AUTS2: variants seen among roughly 807,000 people sequenced by gnomAD.
AUTS2 encodes the protein activator of transcription and developmental regulator AUTS2.
A neutral mutation model predicts 112.4 loss-of-function variants in AUTS2; 17 were observed. The ratio of observed to expected loss-of-function variants is 0.15; its 90% CI spans 0.10 to 0.23. The LOEUF is 0.23. Ranked by LOEUF, AUTS2 falls within the 10% of genes least tolerant of loss-of-function variation. The pLI, the probability that AUTS2 is intolerant of heterozygous loss-of-function variation, is 1.00. For synonymous variants in AUTS2, 751 were observed against 702.7 expected (o/e 1.07, Z -1.09); for missense variants, 1,510 against 1,701.6 (o/e 0.89, Z 1.98).
chr7:70,732,064 G>A (rs1787438714), intron 6 of AUTS2, among the ~76,000 whole-genome samples: 1 of 152,124 alleles, frequency 6.6e-6, no homozygotes, highest in Admixed American at 6.5e-5. Context: ...ATCTTGTCTA[G>A]TGTCGGGTGT....
At chr7:69,791,370 A>G (rs984724062) in intron 1 of AUTS2, among the ~76,000 whole-genome samples, 1 of 152,242 alleles carries the variant, frequency 6.6e-6, no homozygotes, top group Non-Finnish European at 1.5e-5. Flanking sequence ...CTGTAATTTC[A>G]TAATGAAATT....
At position 70,095,847 on chromosome 7, in the gene AUTS2, T is replaced by C. The variant is rs141957510; in HGVS notation, c.523-22285T>C. ...GGAATAAACTGGCCATGTTTAGTTATGGTATTGAAGAAAGGGTTTGATCCA... is the reference window on the plus strand; with the variant it reads ...GGAATAAACTGGCCATGTTTAGTTACGGTATTGAAGAAAGGGTTTGATCCA... On this transcript the variant is annotated intron_variant, in intron 2 of 18. Transcript: ENST00000342771. Among the ~76,000 whole-genome samples the C allele has an allele frequency of 1.4e-4, 21 of 152,322 alleles. No homozygotes were observed. The East Asian group carries it at 3.9e-3, about 28-fold the overall frequency.
At chr7:69,967,593 C>T (rs1172544489) in intron 2 of AUTS2, among the ~76,000 whole-genome samples, 2 of 152,086 alleles carry the variant, frequency 1.3e-5, no homozygotes, top group Non-Finnish European at 2.9e-5. Context: ...CTATTTTTTC[C>T]ACCTTTTATT....
At chr7:69,696,142 T>C (rs1364554146) in intron 1 of AUTS2, among the ~76,000 whole-genome samples, 4 of 152,194 alleles carry the variant, frequency 2.6e-5, no homozygotes, top group Non-Finnish European at 5.9e-5. Flanking sequence ...AGGACAAATT[T>C]AGTTTTGCAG....
chr7:70,317,207 T>C (rs934226926), intron 4 of AUTS2, among the ~76,000 whole-genome samples: 2 of 152,232 alleles, frequency 1.3e-5, no homozygotes, highest in African/African-American at 4.8e-5. Flanking sequence ...ATGGATACTT[T>C]TTCCTGTGTA....
At chr7:70,552,570 G>A (rs1319027164) in intron 5 of AUTS2, among the ~76,000 whole-genome samples, 2 of 152,208 alleles carry the variant, frequency 1.3e-5, no homozygotes, top group Non-Finnish European at 2.9e-5. Flanking sequence ...CTTGGCAGGG[G>A]ACAGAGAGCA....
At chr7:70,042,335 A>G (rs1801284743) in intron 2 of AUTS2, among the ~76,000 whole-genome samples, 1 of 152,192 alleles carries the variant, frequency 6.6e-6, no homozygotes, top group Non-Finnish European at 1.5e-5. Context: ...ATTGATAATG[A>G]GATTTTCAAG....
intron 2 of AUTS2, among the ~76,000 whole-genome samples, chr7:70,033,251 A>T (rs1322329998): frequency 6.6e-6 from 1 of 152,212 alleles, no homozygotes; most frequent in Non-Finnish European, 1.5e-5. Flanking sequence ...CTCAAGTTAA[A>T]TGAAATGACC....
At chr7:70,100,735 A>G (rs1459590424) in intron 2 of AUTS2, among the ~76,000 whole-genome samples, 2 of 152,122 alleles carry the variant, frequency 1.3e-5, no homozygotes, top group African/African-American at 4.8e-5. Context: ...TTAGGTAGCA[A>G]ATGACATTGG....
At chr7:70,565,075 G>A (rs1262598408) in intron 5 of AUTS2, among the ~76,000 whole-genome samples, 2 of 152,140 alleles carry the variant, frequency 1.3e-5, no homozygotes, top group Non-Finnish European at 2.9e-5. Context: ...TCCAGCCTGG[G>A]CGATAGAGTG....
intron 5 of AUTS2, among the ~76,000 whole-genome samples, chr7:70,580,524 G>A (rs980411129): frequency 4.3e-4 from 66 of 152,252 alleles, no homozygotes; most frequent in Admixed American, 1.2e-3. Context: ...AAACAGTTCC[G>A]AATTCAGCCT....
intron 6 of AUTS2, among the ~76,000 whole-genome samples, chr7:70,756,517 A>G (rs913754267): frequency 1.3e-5 from 2 of 152,250 alleles, no homozygotes; most frequent in Non-Finnish European, 2.9e-5. Flanking sequence ...TACATACATA[A>G]TTTAAAAGTA....
intron 1 of AUTS2, among the ~76,000 whole-genome samples, chr7:69,739,793 A>G (rs572134317): frequency 3.3e-5 from 5 of 152,216 alleles, no homozygotes; most frequent in Non-Finnish European, 7.3e-5. Context: ...TCCTTGACAT[A>G]GTATATGCAG....
At chr7:70,472,277 A>C (rs140409216) in intron 5 of AUTS2, among the ~76,000 whole-genome samples, 2 of 152,238 alleles carry the variant, frequency 1.3e-5, no homozygotes, top group East Asian at 3.9e-4. Context: ...GAGAACCCCA[A>C]ATCAGAATTC....
At chr7:70,703,137 T>C (rs887090762) in intron 6 of AUTS2, among the ~76,000 whole-genome samples, 1 of 152,130 alleles carries the variant, frequency 6.6e-6, no homozygotes, top group African/African-American at 2.4e-5. Context: ...AGGGATTTCC[T>C]TGGTTTGGTG....
intron 13 of AUTS2, 126 bp downstream of exon 13, chr7:70,775,512 T>C: frequency 1.3e-6 from 1 of 792,502 alleles, no homozygotes; most frequent in Admixed American, 2.7e-5. Flanking sequence ...ATGACGGTGA[T>C]TGGGTTTTTC....
At chr7:69,727,828 G>A (rs917122161) in intron 1 of AUTS2, among the ~76,000 whole-genome samples, 5 of 151,850 alleles carry the variant, frequency 3.3e-5, no homozygotes, top group Admixed American at 1.3e-4. Flanking sequence ...TTTTATATAA[G>A]GTTTAGAATC....
chr7:70,015,167 T>A (rs910111097), intron 2 of AUTS2, among the ~76,000 whole-genome samples: 1 of 152,196 alleles, frequency 6.6e-6, no homozygotes, highest in Non-Finnish European at 1.5e-5. Flanking sequence ...TTTGCTTTTT[T>A]AAAAACAACA....
intron 1 of AUTS2, among the ~76,000 whole-genome samples, chr7:69,859,964 A>G (rs777617594): frequency 4.6e-5 from 7 of 152,166 alleles, no homozygotes; most frequent in Non-Finnish European, 8.8e-5. Flanking sequence ...TTGGACAACT[A>G]TAAGCAATGG....
Sources: gnomAD v4.1 joint callset for allele counts (sites outside exome capture counted in the v4.1 genomes callset) on GRCh38, gnomAD v4.1.1 for gene constraint, MANE v1.5 for transcripts, NCBI Gene and HGNC (gene_info 2026-07-23, HGNC 2026-07-21) for gene names.